Variants in CCDC178 observed in about 807,000 individuals in gnomAD.
CCDC178 encodes coiled-coil domain-containing protein 178.
A neutral mutation model predicts 117.4 loss-of-function variants in CCDC178; 126 were observed. That is an observed-to-expected ratio of 1.07 (90% CI 0.93 to 1.24). The LOEUF is 1.24. CCDC178 is among the 50% of genes most tolerant of loss of function. The probability of loss-of-function intolerance (pLI) is 0.00; values close to 1 mark genes in which losing one functional copy is unlikely to be tolerated. For missense variants in CCDC178, 1,030 were observed against 986.9 expected (o/e 1.04, Z -0.59); for synonymous variants, 283 against 313.4 (o/e 0.90, Z 1.02).
intron 6 of CCDC178, among the ~76,000 whole-genome samples, chr18:33,368,577 T>C (rs2063250804): frequency 6.6e-6 from 1 of 151,978 alleles, no homozygotes; most frequent in Admixed American, 6.6e-5. Context: ...CTATTATCCA[T>C]AGTATCTAAC....
At chr18:33,240,463 T>C (rs2059474626) in intron 15 of CCDC178, among the ~76,000 whole-genome samples, 1 of 149,722 alleles carries the variant, frequency 6.7e-6, no homozygotes, top group African/African-American at 2.5e-5. Context: ...TAAACAAAAT[T>C]GAGAAAAAGC....
At chr18:33,142,291 A>G (rs1270604457) in intron 20 of CCDC178, among the ~76,000 whole-genome samples, 2 of 152,186 alleles carry the variant, frequency 1.3e-5, no homozygotes, top group Admixed American at 1.3e-4. Context: ...CCAGCCCGAG[A>G]TGTCAGTTGT....
intron 21 of CCDC178, among the ~76,000 whole-genome samples, chr18:33,020,108 GATA>G (rs1408278670): frequency 6.8e-6 from 1 of 147,066 alleles, no homozygotes. Flanking sequence ...ACCACAACCG[GATA>G]ATTGGTTTTT....
chr18:33,140,684 G>C (rs1465366405), intron 20 of CCDC178, among the ~76,000 whole-genome samples: 1 of 152,120 alleles, frequency 6.6e-6, no homozygotes, highest in Admixed American at 6.5e-5. Context: ...GCTTATAGAA[G>C]GAAGGGACTT....
intron 3 of CCDC178, among the ~76,000 whole-genome samples, chr18:33,398,458 A>T (rs2063668934): frequency 6.6e-6 from 1 of 152,212 alleles, no homozygotes; most frequent in African/African-American, 2.4e-5. Context: ...ATCATATGAA[A>T]TGCAAAAACA....
At chr18:33,167,727 C>T (rs1314336667) in intron 20 of CCDC178, among the ~76,000 whole-genome samples, 8 of 151,768 alleles carry the variant, frequency 5.3e-5, no homozygotes, top group East Asian at 3.9e-4. Context: ...AATACCCGGG[C>T]GTGGTGGCAT....
At chr18:33,287,950 G>C (rs1233221886) in intron 12 of CCDC178, among the ~76,000 whole-genome samples, 1 of 152,158 alleles carries the variant, frequency 6.6e-6, no homozygotes, top group East Asian at 1.9e-4. Flanking sequence ...CATTTTTATA[G>C]ATATAGACAA....
At position 33,211,041 on chromosome 18, in the gene CCDC178, T is replaced by C. The variant is rs1342471310; in HGVS notation, c.2238+855A>G. Reference sequence around the variant, plus strand: ...CACACGTCTTTAGATATGTAAAAAGTAGGGAAAGTAATGGAAATATTGATA... The same window carrying C: ...CACACGTCTTTAGATATGTAAAAAGCAGGGAAAGTAATGGAAATATTGATA... On this transcript the variant is annotated intron_variant, in intron 20 of 22. Coordinates refer to ENST00000383096, the MANE Select transcript of CCDC178 (RefSeq NM_001105528.4). Among the ~76,000 whole-genome samples, 4 of 151,928 alleles carry C rather than the reference T, an allele frequency of 2.6e-5. No homozygotes were observed. In the East Asian group the frequency reaches 7.7e-4, roughly 29 times the overall value.
At chr18:33,327,080 T>C (rs2145025192) in intron 10 of CCDC178, among the ~76,000 whole-genome samples, 1 of 152,330 alleles carries the variant, frequency 6.6e-6, no homozygotes, top group South Asian at 2.1e-4. Context: ...TTTAAAACTT[T>C]ATTACAAACA....
At chr18:33,012,148 T>C (rs996131343) in intron 21 of CCDC178, among the ~76,000 whole-genome samples, 2 of 152,238 alleles carry the variant, frequency 1.3e-5, no homozygotes, top group Non-Finnish European at 2.9e-5. Flanking sequence ...TAAAGTCACA[T>C]AGCTACAATT....
At chr18:32,970,810 A>G (rs2054908589) in intron 22 of CCDC178, among the ~76,000 whole-genome samples, 2 of 151,990 alleles carry the variant, frequency 1.3e-5, no homozygotes, top group African/African-American at 4.8e-5. Flanking sequence ...AATCTTCCAG[A>G]AAGGAGGACA....
intron 11 of CCDC178, among the ~76,000 whole-genome samples, chr18:33,296,392 C>A: frequency 6.6e-6 from 1 of 151,386 alleles, no homozygotes; most frequent in East Asian, 1.9e-4. Context: ...TAATAATAAA[C>A]ACACACACAC....
At chr18:33,039,779 G>A (rs187639806) in intron 21 of CCDC178, among the ~76,000 whole-genome samples, 12 of 151,928 alleles carry the variant, frequency 7.9e-5, no homozygotes, top group African/African-American at 2.9e-4. Flanking sequence ...TAGTACCCAA[G>A]GGTTAGAAGA....
chr18:32,990,038 T>G (rs1195991479), intron 21 of CCDC178, among the ~76,000 whole-genome samples: 1 of 152,144 alleles, frequency 6.6e-6, no homozygotes, highest in Non-Finnish European at 1.5e-5. Context: ...AGCATCAAAT[T>G]ATAAGATAAT....
chr18:33,255,762 T>C (rs978290891), intron 14 of CCDC178, among the ~76,000 whole-genome samples: 2 of 151,934 alleles, frequency 1.3e-5, no homozygotes. Context: ...GGACAGGAGA[T>C]GGAGCAAGGG....
chr18:33,400,409 T>C (rs1023630882), intron 3 of CCDC178, among the ~76,000 whole-genome samples: 63 of 152,338 alleles, frequency 4.1e-4, no homozygotes, highest in African/African-American at 1.4e-3. Flanking sequence ...TTTGCCTACA[T>C]TGAAAATCTG....
chr18:33,140,601 T>G (rs1036214078), intron 20 of CCDC178, among the ~76,000 whole-genome samples: 1 of 152,154 alleles, frequency 6.6e-6, no homozygotes, highest in African/African-American at 2.4e-5. Context: ...TTTGTCCCAC[T>G]AGGAAAGGCT....
chr18:33,172,651 A>G (rs140459825), intron 20 of CCDC178, among the ~76,000 whole-genome samples: 2 of 152,204 alleles, frequency 1.3e-5, no homozygotes, highest in African/African-American at 4.8e-5. Flanking sequence ...GCTTTTAGAT[A>G]GTATTTTATT....
intron 20 of CCDC178, among the ~76,000 whole-genome samples, chr18:33,205,163 C>G (rs1054999090): frequency 6.6e-6 from 1 of 151,814 alleles, no homozygotes; most frequent in Non-Finnish European, 1.5e-5. Flanking sequence ...CAAAAAATAA[C>G]AATGACAAAA....
Sources: allele counts gnomAD v4.1 joint callset (sites outside exome capture counted in the v4.1 genomes callset), GRCh38; gene constraint gnomAD v4.1.1; transcripts MANE v1.5; gene names NCBI Gene and HGNC (gene_info 2026-07-23, HGNC 2026-07-21).